Variants in GATA4 observed in about 807,000 individuals in gnomAD.
The protein encoded by GATA4 is transcription factor GATA-4.
GATA4 carries 7 observed loss-of-function variants against 37.9 expected under a neutral mutation model. The observed-to-expected ratio is 0.18, with a 90% CI of 0.11 to 0.35. The LOEUF (loss-of-function observed/expected upper bound fraction) is 0.35. Ranked by LOEUF, GATA4 falls within the 10% of genes least tolerant of loss-of-function variation. The probability of loss-of-function intolerance (pLI) is 1.00; values close to 1 mark genes in which losing one functional copy is unlikely to be tolerated. For synonymous variants in GATA4, 372 were observed against 292.6 expected (o/e 1.27, Z -2.77); for missense variants, 647 against 653.0 (o/e 0.99, Z 0.10).
At chr8:11,700,648 G>A (rs1313093484), upstream of GATA4, 1 of 152,306 alleles carries the variant, frequency 6.6e-6, no homozygotes, top group Non-Finnish European at 1.5e-5. Flanking sequence ...CCCAGCGGGG[G>A]AATCCAAGGG....
At chr8:11,741,476 TG>T (rs1252657582) in intron 2 of GATA4, among the ~76,000 whole-genome samples, 1 of 150,874 alleles carries the variant, frequency 6.6e-6, no homozygotes, top group African/African-American at 2.4e-5. Flanking sequence ...AAGACCCCAT[TG>T]AAAAAAACAA....
Position 11,752,041 on chromosome 8 carries a change from A to G in GATA4, c.912+1805A>G, listed in dbSNP as rs78625267. Among the ~76,000 whole-genome samples the G allele has an allele frequency of 5.3e-3, 806 of 152,342 alleles. 7 individuals carry two copies. Among genetic ancestry groups the G allele is most frequent in the African/African-American group, 0.019 (775 of 41,576 alleles). On this transcript the variant is annotated intron_variant, in intron 4 of 6. Coordinates refer to ENST00000532059, the MANE Select transcript of GATA4 (RefSeq NM_001308093.3). ...AAACTAGAAACAACCTTAAAACCCC[A>G]TAAAGGAATGGTTGAAAAAATTCTG...
At chr8:11,728,940 A>T (rs1801072252) in intron 2 of GATA4, among the ~76,000 whole-genome samples, 1 of 152,152 alleles carries the variant, frequency 6.6e-6, no homozygotes. Flanking sequence ...TAGTTTAAAG[A>T]CCTAGCTGAC....
intron 2 of GATA4, among the ~76,000 whole-genome samples, chr8:11,735,919 A>T (rs1007792378): frequency 2.7e-5 from 4 of 145,594 alleles, no homozygotes; most frequent in South Asian, 2.1e-4. Flanking sequence ...GAAAAAAAAA[A>T]TTTTTTTTTG....
chr8:11,752,215 A>T (rs1010541938), intron 4 of GATA4, among the ~76,000 whole-genome samples: 10 of 152,226 alleles, frequency 6.6e-5, no homozygotes, highest in Non-Finnish European at 1.5e-4. Context: ...CATTAAACAG[A>T]CATACATATG....
chr8:11,752,700 C>T (rs1802361648), intron 4 of GATA4, among the ~76,000 whole-genome samples: 1 of 152,114 alleles, frequency 6.6e-6, no homozygotes, highest in Non-Finnish European at 1.5e-5. Context: ...GCTGTTAAAT[C>T]CATTTGCCTC....
At chr8:11,692,306 T>G (rs1200605915), upstream of GATA4, among the ~76,000 whole-genome samples, 1 of 152,192 alleles carries the variant, frequency 6.6e-6, no homozygotes, top group African/African-American at 2.4e-5. Flanking sequence ...AATGACAGTG[T>G]GTGCTGTTAT....
intron 1 of GATA4, among the ~76,000 whole-genome samples, chr8:11,695,219 A>G (rs1459638695): frequency 6.6e-6 from 1 of 152,170 alleles, no homozygotes; most frequent in Non-Finnish European, 1.5e-5. Context: ...CAGCCTGACC[A>G]ACATGGAGAA....
At chr8:11,746,992 A>C (rs867154039) in intron 2 of GATA4, among the ~76,000 whole-genome samples, 10 of 152,178 alleles carry the variant, frequency 6.6e-5, no homozygotes, top group African/African-American at 1.2e-4. Context: ...TCTCTGGCCC[A>C]CATTCCCCTA....
chr8:11,755,275 C>T, intron 5 of GATA4, 142 bp downstream of exon 5: 1 of 690,616 alleles, frequency 1.4e-6, no homozygotes, highest in South Asian at 1.6e-5. Context: ...CCTTTCAGGA[C>T]AGGATGAAGA....
intron 2 of GATA4, among the ~76,000 whole-genome samples, chr8:11,727,690 A>G (rs945861540): frequency 2.6e-5 from 4 of 151,966 alleles, no homozygotes; most frequent in Admixed American, 2.0e-4. Flanking sequence ...TAAAAATACA[A>G]AAAATTCGCC....
At chr8:11,734,202 A>T (rs1013782235) in intron 2 of GATA4, among the ~76,000 whole-genome samples, 3 of 152,262 alleles carry the variant, frequency 2.0e-5, no homozygotes, top group Non-Finnish European at 2.9e-5. Context: ...ATAAACAGAC[A>T]TGTACAAGGA....
intron 1 of GATA4, chr8:11,680,416 G>A (rs1192731222): frequency 2.1e-6 from 2 of 943,622 alleles, no homozygotes; most frequent in African/African-American, 1.8e-5. Context: ...CGGCCCACGA[G>A]GCTGAGGAGC....
intron 2 of GATA4, among the ~76,000 whole-genome samples, chr8:11,717,861 C>T (rs1800505256): frequency 6.6e-6 from 1 of 152,198 alleles, no homozygotes; most frequent in Non-Finnish European, 1.5e-5. Flanking sequence ...CACAAACTTC[C>T]TTTCTAGCCG....
intron 1 of GATA4, among the ~76,000 whole-genome samples, chr8:11,696,581 A>C (rs1434354873): frequency 6.6e-6 from 1 of 152,254 alleles, no homozygotes. Flanking sequence ...GAAAATAACA[A>C]CAATACTACT....
intron 2 of GATA4, among the ~76,000 whole-genome samples, chr8:11,747,940 A>G (rs1355670227): frequency 2.0e-5 from 3 of 152,262 alleles, no homozygotes; most frequent in South Asian, 2.1e-4. Flanking sequence ...GGATCAACAT[A>G]TGAAAGTCTC....
intron 2 of GATA4, among the ~76,000 whole-genome samples, chr8:11,730,090 A>G (rs1442553963): frequency 6.6e-6 from 1 of 151,726 alleles, no homozygotes; most frequent in Non-Finnish European, 1.5e-5. Flanking sequence ...TAACGTCTAT[A>G]TTTTTTGGAG....
chr8:11,702,211 C>A (rs770831168), upstream of GATA4, among the ~76,000 whole-genome samples: 1 of 152,170 alleles, frequency 6.6e-6, no homozygotes, highest in Non-Finnish European at 1.5e-5. This position sits in a 1 kb window ranked among gnomAD's most constrained non-coding sequence, Gnocchi z 4.4. Context: ...CAGATGGCAC[C>A]CCGCCAGACA....
Position 11,740,630 on chromosome 8 carries a change from A to C in GATA4, c.617-8286A>C, listed in dbSNP as rs557120036. 3.9e-5 allele frequency among the ~76,000 whole-genome samples: 6 copies of C among 152,346 alleles called. No homozygotes were observed. In the East Asian group the frequency reaches 1.2e-3, roughly 29 times the overall value. ...AGCTGGCAAGACAGTCTTTGTAAAA[A>C]ATGTATTGGTATAGGGGCAAAATGC... On this transcript the variant is annotated intron_variant, in intron 2 of 6. Coordinates refer to ENST00000532059, the MANE Select transcript of GATA4 (RefSeq NM_001308093.3).
Sources: gnomAD v4.1 joint callset for allele counts (sites outside exome capture counted in the v4.1 genomes callset) on GRCh38, gnomAD v4.1.1 for gene constraint, Gnocchi (gnomAD v3.1) non-coding constraint, MANE v1.5 for transcripts, NCBI Gene and HGNC (gene_info 2026-07-23, HGNC 2026-07-21) for gene names.